Variants in NOTCH3 observed in about 807,000 individuals in gnomAD.
NOTCH3 encodes notch receptor 3.
Under a neutral mutation model 213.3 loss-of-function variants are expected in NOTCH3, and 86 were observed. The observed-to-expected ratio is 0.40, with a 90% CI of 0.34 to 0.48. The LOEUF (loss-of-function observed/expected upper bound fraction) is 0.48. Among genes scored for constraint, NOTCH3 ranks in the 20% least tolerant of loss-of-function variants. The pLI, the probability that NOTCH3 is intolerant of heterozygous loss-of-function variation, is 0.57. For synonymous variants in NOTCH3, 1,354 were observed against 1,355.9 expected, an observed-to-expected ratio of 1.00 and a Z score of 0.03; for missense variants, 2,783 against 3,272.6, an observed-to-expected ratio of 0.85 and a Z score of 3.65.
At chr19:15,197,440 C>CGGGGGGGGG in intron 2 of NOTCH3, 60 bp downstream of exon 2, 1 of 800,698 alleles carries the variant, frequency 1.2e-6, no homozygotes, top group Non-Finnish European at 2.2e-6. Context: ...GAAGACAAAT[C>CGGGGGGGGG]GCCCCTCCCC....
In NOTCH3 at chr19:15,162,514, G is replaced by A. The variant is rs574900839; in HGVS notation, c.5864C>T (p.Thr1955Ile). 1.6e-5 allele frequency: 26 copies of A among 1,613,934 alleles called. No homozygotes were observed. Among genetic ancestry groups the A allele is most frequent in the South Asian group, 2.2e-5 (2 of 91,074 alleles). Residue 1955 changes from threonine (T) to isoleucine (I), a missense_variant, in exon 32 of 33, where the codon ACT (threonine) becomes ATT (isoleucine). Transcript: ENST00000263388. ...GGCTCCATTTTTGAGCAGGGCCAAA[G>A]TGGCTTCCACGTTGTTCACAGCCGC... Reference protein sequence around the residue: ...WAAAVNNVEATLALLKNGANK... With the variant: ...WAAAVNNVEAILALLKNGANK...
intron 28 of NOTCH3, 117 bp from the exon 29 acceptor site, chr19:15,167,528 C>T (rs1251893797): frequency 5.7e-6 from 5 of 879,502 alleles, no homozygotes; most frequent in African/African-American, 5.0e-5. Flanking sequence ...CACACAGAGC[C>T]CTGGGAAATC....
chr19:15,195,276 TG>T (rs984702829), intron 2 of NOTCH3, among the ~76,000 whole-genome samples: 1 of 151,938 alleles, frequency 6.6e-6, no homozygotes, highest in Admixed American at 6.6e-5. Context: ...ACCCTCATCT[TG>T]GGGGGGTGGT....
At chr19:15,163,449 C>T (rs1182299969) in intron 31 of NOTCH3, among the ~76,000 whole-genome samples, 4 of 152,150 alleles carry the variant, frequency 2.6e-5, no homozygotes, top group Non-Finnish European at 5.9e-5. Context: ...TCTTCATGAC[C>T]TTGAATTAGG....
In NOTCH3 at chr19:15,167,292, G is replaced by A. The variant is rs115262182; in HGVS notation, c.5319C>T (p.Gly1773=). 73 of 1,613,510 alleles carry A rather than the reference G, an allele frequency of 4.5e-5. No individual in the cohort carries two copies. Among genetic ancestry groups the A allele is most frequent in the Middle Eastern group, 1.7e-4 (1 of 6,052 alleles). Residue 1773 remains glycine, a synonymous_variant, in exon 29 of 33, where the codon GGC becomes GGT. Transcript: ENST00000263388. ...CATCCATGCCATCAGCATCTGCGTC[G>A]CCCTGTGGTGGTGTCAGTGCCATGG... ...APAMALTPPQ[G]DADADGMDVN... is the part of the protein sequence containing the mutation.
chr19:15,191,776 G>T lies in NOTCH3; in HGVS notation c.771C>A (p.Thr257=), dbSNP rs373744631. The change falls in exon 5 of 33, where the codon ACC becomes ACA. Residue 257 remains threonine (T), a synonymous_variant. Transcript: ENST00000263388. ...NGGTCVDGVN[T]YNCQCPPEWT... ...ACTCAGGAGGGCACTGGCAGTTATA[G>T]GTGTTGACGCCATCCACGCATGTCC... The T allele has an allele frequency of 4.3e-5, 70 of 1,613,940 alleles. No individual in the cohort carries two copies. The highest frequency in any genetic ancestry group is 5.6e-5 in the Non-Finnish European group (66 of 1,180,030).
chr19:15,185,334 G>A lies in NOTCH3; in HGVS notation c.2219C>T (p.Ser740Phe). The A allele has an allele frequency of 1.2e-6, 2 of 1,612,964 alleles. No individual in the cohort carries two copies. The highest frequency in any genetic ancestry group is 1.1e-5 in the South Asian group (1 of 91,056). The change falls in exon 14 of 33, where the codon TCC becomes TTC. Residue 740 changes from serine to phenylalanine, a missense_variant. Ser to Phe is a radical substitution (Grantham distance 155, BLOSUM62 -2). Coordinates refer to ENST00000263388, the MANE Select transcript of NOTCH3 (RefSeq NM_000435.3). This position sits in a 1 kb window ranked among gnomAD's most constrained non-coding sequence, Gnocchi z 4.2. ...SQSLARDACESQPCRAGGTCS... is the reference protein window; with the variant it reads ...SQSLARDACEFQPCRAGGTCS... ...TGTCCCACCGGCCCTGCACGGCTGG[G>A]ACTCACAGGCGTCTCGGGCCAGGCT...
intron 32 of NOTCH3, 160 bp downstream of exon 32, chr19:15,162,305 C>T: frequency 1.5e-6 from 1 of 655,842 alleles, no homozygotes; most frequent in Admixed American, 2.4e-5. Context: ...TTTAAGGGGC[C>T]CCCAAAAACT....
intron 15 of NOTCH3, 89 bp downstream of exon 15, chr19:15,184,817 G>T: frequency 1.3e-6 from 1 of 777,910 alleles, no homozygotes; most frequent in Non-Finnish European, 2.2e-6. Flanking sequence ...GCTGGGGATG[G>T]GTCCCTCTCT....
At chr19:15,167,533 G>A in intron 28 of NOTCH3, 122 bp from the exon 29 acceptor site, 5 of 847,130 alleles carry the variant, frequency 5.9e-6, no homozygotes, top group South Asian at 5.8e-5. Flanking sequence ...AGAGCCCTGG[G>A]AAATCATTTA....
In NOTCH3 at chr19:15,165,576, C is replaced by A. The variant is rs1287715092; in HGVS notation, c.5668-61G>T. 1.9e-6 allele frequency: 3 copies of A among 1,577,694 alleles called. No individual in the cohort carries two copies. Among genetic ancestry groups the A allele is most frequent in the South Asian group, 2.3e-5 (2 of 88,334 alleles). On this transcript the variant is annotated intron_variant, in intron 30 of 32. Coordinates refer to ENST00000263388, the MANE Select transcript of NOTCH3 (RefSeq NM_000435.3). This position sits in a 1 kb window ranked among gnomAD's most constrained non-coding sequence, Gnocchi z 4.7. ...GGCAGGAACAGAGGAATCAGGAGCACCCCTAAGTCCCATGAAGTCCCCAAC... is the reference window on the plus strand; with the variant it reads ...GGCAGGAACAGAGGAATCAGGAGCAACCCTAAGTCCCATGAAGTCCCCAAC...
At chr19:15,183,031 G>A (rs1178554657) in intron 16 of NOTCH3, among the ~76,000 whole-genome samples, 1 of 152,020 alleles carries the variant, frequency 6.6e-6, no homozygotes, top group Non-Finnish European at 1.5e-5. Context: ...CAGGAGGATG[G>A]CTTGAGGCCA....
At chr19:15,167,501 T>C in intron 28 of NOTCH3, 90 bp from the exon 29 acceptor site, 1 of 1,248,324 alleles carries the variant, frequency 8.0e-7, no homozygotes, top group South Asian at 1.2e-5. Context: ...TTCCTACAGG[T>C]TTCTCTTTAG....
chr19:15,188,988 C>T lies in NOTCH3; in HGVS notation c.1378+1G>A, dbSNP rs1324664338. 1 of 1,609,144 alleles carries T rather than the reference C, an allele frequency of 6.2e-7. No individual in the cohort carries two copies. Among genetic ancestry groups the T allele is most frequent in the Admixed American group, 1.7e-5 (1 of 59,470 alleles). On this transcript the variant is annotated splice_donor_variant, in intron 8 of 32. Coordinates refer to ENST00000263388, the MANE Select transcript of NOTCH3 (RefSeq NM_000435.3). LOFTEE classifies it high-confidence loss of function. ...CCGCCCAGGCCACGCCCACCACCCACCTGCCATACAGATACAGGTGAACTG... is the reference window on the plus strand; with the variant it reads ...CCGCCCAGGCCACGCCCACCACCCATCTGCCATACAGATACAGGTGAACTG...
At chr19:15,197,441 G>GCGCCGCCCC in intron 2 of NOTCH3, 59 bp downstream of exon 2, 7 of 768,358 alleles carry the variant, frequency 9.1e-6, no homozygotes, top group East Asian at 2.7e-5. Flanking sequence ...AAGACAAATC[G>GCGCCGCCCC]CCCCTCCCCC....
At position 15,180,819 on chromosome 19, in the gene NOTCH3, C is replaced by T. The variant is rs2046833747; in HGVS notation, c.3004G>A (p.Asp1002Asn). The part of the protein sequence containing the change: ...FTGPQCQTLV[D>N]WCSRQPCQNG... ...TGACAAGGCTGGCGGCTGCACCAAT[C>T]CACCAGCGTCTGGAGGGGAAGCACT... is the stretch of plus-strand genomic sequence containing the variant. The change falls in exon 19 of 33, where the codon GAT becomes AAT. Residue 1002 changes from aspartate to asparagine, a missense_variant. Transcript: ENST00000263388. The T allele has an allele frequency of 1.2e-6, 2 of 1,612,198 alleles. No individual in the cohort carries two copies. The highest frequency in any genetic ancestry group is 1.7e-6 in the Non-Finnish European group (2 of 1,179,548).
chr19:15,164,207 A>AT (rs1441597477), intron 31 of NOTCH3, among the ~76,000 whole-genome samples: 1 of 143,328 alleles, frequency 7.0e-6, no homozygotes, highest in Non-Finnish European at 1.5e-5. Flanking sequence ...CATGTTAATT[A>AT]TATCTCAATA....
intron 2 of NOTCH3, among the ~76,000 whole-genome samples, chr19:15,195,827 C>T (rs2046965497): frequency 1.3e-5 from 2 of 151,788 alleles, no homozygotes; most frequent in South Asian, 2.1e-4. Context: ...TTCCCACGCT[C>T]TGCGTCCCGC....
chr19:15,189,324 G>A lies in NOTCH3; in HGVS notation c.1141C>T (p.Pro381Ser). Residue 381 changes from proline to serine, a missense_variant, in exon 7 of 33, where the codon CCC becomes TCC. Pro to Ser is a moderately conservative substitution (Grantham distance 74). Coordinates refer to ENST00000263388, the MANE Select transcript of NOTCH3 (RefSeq NM_000435.3). Reference sequence around the variant, plus strand: ...TCACATGCCCCACCCGTGAAGCCGGGAGGACAGGTGCAAATGGCCCGGCCG... The same window carrying A: ...TCACATGCCCCACCCGTGAAGCCGGAAGGACAGGTGCAAATGGCCCGGCCG... ...VNGRAICTCP[P>S]GFTGGACDQD... 1.2e-6 allele frequency: 2 copies of A among 1,614,090 alleles called. No homozygotes were observed. Among genetic ancestry groups the A allele is most frequent in the Non-Finnish European group, 1.7e-6 (2 of 1,180,038 alleles).
Sources: gnomAD v4.1 joint callset for allele counts (sites outside exome capture counted in the v4.1 genomes callset) on GRCh38, gnomAD v4.1.1 for gene constraint, Gnocchi (gnomAD v3.1) non-coding constraint, MANE v1.5 for transcripts, NCBI Gene and HGNC (gene_info 2026-07-23, HGNC 2026-07-21) for gene names.